Variants in RUNX2 observed in about 807,000 individuals in gnomAD.
RUNX2 encodes the protein RUNX family transcription factor 2.
RUNX2 carries 10 observed loss-of-function variants against 51.7 expected under a neutral mutation model. That is an observed-to-expected ratio of 0.19 (90% CI 0.12 to 0.33). The LOEUF is 0.33. Ranked by LOEUF, RUNX2 falls within the 10% of genes least tolerant of loss-of-function variation. The probability of loss-of-function intolerance (pLI) is 1.00; values close to 1 mark genes in which losing one functional copy is unlikely to be tolerated. For synonymous variants in RUNX2, 276 were observed against 273.6 expected (o/e 1.01, Z -0.09); for missense variants, 562 against 691.3 (o/e 0.81, Z 2.10).
chr6:45,487,492 A>G (rs1800318960), intron 5 of RUNX2, among the ~76,000 whole-genome samples: 2 of 152,238 alleles, frequency 1.3e-5, no homozygotes, highest in East Asian at 1.9e-4. Flanking sequence ...AGGGTTTTCC[A>G]GAAAGAAAGC....
chr6:45,469,041 C>A (rs1466163588), intron 5 of RUNX2, among the ~76,000 whole-genome samples: 1 of 152,150 alleles, frequency 6.6e-6, no homozygotes. Flanking sequence ...GAAATTTTAT[C>A]TCTTTAGCTT....
At chr6:45,508,848 A>G (rs1450360293) in intron 6 of RUNX2, among the ~76,000 whole-genome samples, 1 of 152,302 alleles carries the variant, frequency 6.6e-6, no homozygotes, top group East Asian at 1.9e-4. Flanking sequence ...ACTAATTATG[A>G]CTTAATTTTA....
At chr6:45,413,531 A>G (rs1284105981) in intron 2 of RUNX2, among the ~76,000 whole-genome samples, 1 of 140,752 alleles carries the variant, frequency 7.1e-6, no homozygotes, top group African/African-American at 2.7e-5. Flanking sequence ...CCTGGGTTCA[A>G]GTGATTCTCC....
chr6:45,423,346 G>C (rs976031356), intron 3 of RUNX2, among the ~76,000 whole-genome samples: 1 of 152,108 alleles, frequency 6.6e-6, no homozygotes, highest in Non-Finnish European at 1.5e-5. Context: ...CCCCTTTCCC[G>C]GGGGCGAGGA....
At chr6:45,455,638 C>T (rs1168378303) in intron 5 of RUNX2, among the ~76,000 whole-genome samples, 2 of 152,012 alleles carry the variant, frequency 1.3e-5, no homozygotes, top group Non-Finnish European at 2.9e-5. Flanking sequence ...AATTTGTAGT[C>T]CTTTTATTTA....
intron 2 of RUNX2, among the ~76,000 whole-genome samples, chr6:45,412,086 A>G (rs1487985146): frequency 6.6e-6 from 1 of 151,422 alleles, no homozygotes; most frequent in African/African-American, 2.4e-5. Flanking sequence ...AATGGCTCAC[A>G]CCTGAAATCC....
At chr6:45,530,825 A>T (rs1037736019) in intron 7 of RUNX2, among the ~76,000 whole-genome samples, 13 of 152,258 alleles carry the variant, frequency 8.5e-5, no homozygotes, top group Non-Finnish European at 1.9e-4. Flanking sequence ...GATAAAGAAC[A>T]TCATGTTAGA....
Position 45,422,793 on chromosome 6 carries a change from G to A in RUNX2, c.259G>A (p.Ala87Thr). Residue 87 changes from alanine to threonine, a missense_variant, in exon 3 of 9, where the codon GCA (alanine) becomes ACA (threonine). Ala to Thr is a moderately conservative substitution (Grantham distance 58). This residue lies in a region of RUNX2 where 153 missense variants were observed against 144.8 expected (regional missense o/e 1.06). Coordinates refer to ENST00000647337, the MANE Select transcript of RUNX2 (RefSeq NM_001024630.4). Reference sequence around the variant, plus strand: ...GGCGGCGGCGGCGGCTGCGGCGGCGGCAGCTGCAGTGCCCCGGTTGCGGCC... The same window carrying A: ...GGCGGCGGCGGCGGCTGCGGCGGCGACAGCTGCAGTGCCCCGGTTGCGGCC... ...AAAAAAAAAA[A>T]AAVPRLRPPH... 3 of 1,498,500 alleles carry A rather than the reference G, an allele frequency of 2.0e-6. No individual in the cohort carries two copies. The highest frequency in any genetic ancestry group is 1.8e-6 in the Non-Finnish European group (2 of 1,130,570). The allele number at this position is 1,498,500 out of a possible 1,614,324, so 92.8% of individuals were successfully genotyped here.
rs893036674 is a variant in RUNX2 at position 45,512,134 on chromosome 6, A to AT, written c.860-103dup. The stretch of plus-strand genomic sequence containing the variant: ...CTTATATATTATATATATATAAGCC[A>AT]TTTTTTTTTCTCTCCCTGTTTTTCT... On this transcript the variant is annotated intron_variant, in intron 6 of 8. Coordinates refer to ENST00000647337, the MANE Select transcript of RUNX2 (RefSeq NM_001024630.4). 913 of 939,670 alleles carry AT rather than the reference A, an allele frequency of 9.7e-4. 1 individual carries two copies. The highest frequency in any genetic ancestry group is 2.9e-3 in the Middle Eastern group (9 of 3,132). The allele number at this position is 939,670 out of a possible 1,614,324, so 58.2% of individuals were successfully genotyped here. A position where few individuals can be genotyped will look rare whatever the true frequency, so the allele number is the denominator to read the frequency against.
intron 2 of RUNX2, among the ~76,000 whole-genome samples, chr6:45,379,593 G>A (rs1490680668): frequency 1.3e-5 from 2 of 152,102 alleles, no homozygotes; most frequent in Admixed American, 1.3e-4. Context: ...CAGGCCAGGC[G>A]CGGTGGCTCA....
intron 7 of RUNX2, among the ~76,000 whole-genome samples, chr6:45,537,970 AT>A (rs1387648700): frequency 6.6e-6 from 1 of 152,176 alleles, no homozygotes; most frequent in Non-Finnish European, 1.5e-5. Flanking sequence ...TGTGAATTTT[AT>A]TTTAGAATAT....
intron 2 of RUNX2, among the ~76,000 whole-genome samples, chr6:45,358,378 G>A (rs979214790): frequency 3.3e-5 from 5 of 151,970 alleles, no homozygotes; most frequent in Admixed American, 6.6e-5. Context: ...CTATCACACC[G>A]GATAAAAAGG....
At chr6:45,414,754 CTTTTTTTTTTTTTT>C (rs34672680) in intron 2 of RUNX2, among the ~76,000 whole-genome samples, 6 of 33,448 alleles carry the variant, frequency 1.8e-4, no homozygotes, top group Middle Eastern at 0.028. Flanking sequence ...CAGATCCTGG[CTTTTTTTTTTTTTT>C]TTTTTTTTTT....
chr6:45,532,307 A>G (rs1393978389), intron 7 of RUNX2, among the ~76,000 whole-genome samples: 1 of 151,838 alleles, frequency 6.6e-6, no homozygotes, highest in Non-Finnish European at 1.5e-5. Flanking sequence ...TATTTTTGGA[A>G]TTCTCAGACT....
chr6:45,521,952 C>T (rs910084471), intron 7 of RUNX2, among the ~76,000 whole-genome samples: 1 of 152,136 alleles, frequency 6.6e-6, no homozygotes, highest in Admixed American at 6.5e-5. Context: ...CAATTATTTA[C>T]TTTTAGAGCT....
At chr6:45,418,532 C>A (rs1230131740) in intron 2 of RUNX2, among the ~76,000 whole-genome samples, 1 of 152,054 alleles carries the variant, frequency 6.6e-6, no homozygotes, top group Non-Finnish European at 1.5e-5. Context: ...AAATCTAAAC[C>A]CAAAGATGAC....
intron 2 of RUNX2, among the ~76,000 whole-genome samples, chr6:45,416,034 A>G (rs1050211694): frequency 1.3e-5 from 2 of 152,222 alleles, no homozygotes; most frequent in Non-Finnish European, 2.9e-5. Flanking sequence ...AGATGGGAAG[A>G]AGAAATTGTT....
chr6:45,539,406 C>T (rs546160911), intron 7 of RUNX2, among the ~76,000 whole-genome samples: 7 of 152,304 alleles, frequency 4.6e-5, no homozygotes, highest in African/African-American at 1.4e-4. Flanking sequence ...GTTTGCTGGT[C>T]ATTTCATTAT....
chr6:45,389,380 C>T (rs1471676319), intron 2 of RUNX2, among the ~76,000 whole-genome samples: 1 of 152,172 alleles, frequency 6.6e-6, no homozygotes, highest in African/African-American at 2.4e-5. Context: ...GCCAACAGAT[C>T]ACTGGTCTAG....
Sources: gnomAD v4.1 joint callset for allele counts (sites outside exome capture counted in the v4.1 genomes callset) on GRCh38, gnomAD v4.1.1 for gene constraint, gnomAD v4.1.1 regional missense constraint, MANE v1.5 for transcripts, NCBI Gene and HGNC (gene_info 2026-07-23, HGNC 2026-07-21) for gene names.